Variants in NELL1 observed in about 807,000 individuals in gnomAD.
NELL1 encodes the protein protein kinase C-binding protein NELL1.
In NELL1, 76 loss-of-function variants were observed where a neutral mutation model predicts 107.4. The observed-to-expected ratio is 0.71, with a 90% confidence interval of 0.59 to 0.86. The LOEUF is 0.86. NELL1 is among the 40% of genes least tolerant of loss of function. The pLI is 0.00. For missense variants in NELL1, 1,024 were observed against 1,005.5 expected (o/e 1.02, Z -0.25); for synonymous variants, 353 against 341.2 (o/e 1.03, Z -0.38).
chr11:21,376,293 A>T (rs1379319493), intron 15 of NELL1, among the ~76,000 whole-genome samples: 1 of 152,078 alleles, frequency 6.6e-6, no homozygotes, highest in African/African-American at 2.4e-5. Flanking sequence ...AGCACCATTT[A>T]TTGAATAGGG....
intron 3 of NELL1, among the ~76,000 whole-genome samples, chr11:20,822,443 C>A (rs923437661): frequency 6.6e-6 from 1 of 152,088 alleles, no homozygotes; most frequent in African/African-American, 2.4e-5. Flanking sequence ...TGAATGAATG[C>A]GACAAACTTT....
At chr11:21,433,720 G>T (rs1185893927) in intron 15 of NELL1, among the ~76,000 whole-genome samples, 2 of 152,100 alleles carry the variant, frequency 1.3e-5, no homozygotes, top group East Asian at 3.9e-4. Context: ...TTGTTGCCCA[G>T]GCTGGAGTGC....
At chr11:21,025,523 A>G (rs537228434) in intron 12 of NELL1, among the ~76,000 whole-genome samples, 13 of 151,416 alleles carry the variant, frequency 8.6e-5, no homozygotes, top group African/African-American at 3.1e-4. Context: ...AATGTATAGG[A>G]AGTTTACATT....
At chr11:21,338,119 G>T (rs1850478747) in intron 14 of NELL1, among the ~76,000 whole-genome samples, 1 of 151,988 alleles carries the variant, frequency 6.6e-6, no homozygotes, top group Admixed American at 6.6e-5. Context: ...TTTCCGTCCT[G>T]TGAGAGAGAT....
rs72029062 is a variant in NELL1 at position 21,161,000 on chromosome 11, T to TACACACACAC, written c.1426+47320_1426+47329dup. Among the ~76,000 whole-genome samples, 85 of 143,242 alleles carry TACACACACAC rather than the reference T, an allele frequency of 5.9e-4. 2 individuals carry two copies. Among genetic ancestry groups the TACACACACAC allele is most frequent in the Admixed American group, 1.8e-3 (25 of 13,998 alleles). 94.0% of individuals were successfully genotyped at this position (143,242 alleles called of 152,430 possible). A position where few individuals can be genotyped will look rare whatever the true frequency, so the allele number is the denominator to read the frequency against. On this transcript the variant is annotated intron_variant, in intron 13 of 19. Transcript: ENST00000357134. Reference sequence around the variant, plus strand: ...GGTTTTAACCTCTTGCTAGCCTTTATACACACACACACACACACACACACA... The same window carrying TACACACACAC: ...GGTTTTAACCTCTTGCTAGCCTTTATACACACACACACACACACACACACACACACACACA...
intron 12 of NELL1, among the ~76,000 whole-genome samples, chr11:20,990,147 G>T (rs923615571): frequency 6.6e-6 from 1 of 152,126 alleles, no homozygotes; most frequent in Non-Finnish European, 1.5e-5. Context: ...TTTCAGTTTT[G>T]CCTTGCCTTG....
chr11:21,424,133 A>T (rs1280015371), intron 15 of NELL1, among the ~76,000 whole-genome samples: 1 of 151,726 alleles, frequency 6.6e-6, no homozygotes, highest in Non-Finnish European at 1.5e-5. Context: ...AGCAAAAATA[A>T]AATAAAGAAT....
intron 14 of NELL1, among the ~76,000 whole-genome samples, chr11:21,365,192 T>G (rs754386166): frequency 1.5e-4 from 23 of 152,216 alleles, no homozygotes; most frequent in African/African-American, 5.3e-4. Flanking sequence ...TGCCTTTCTC[T>G]CTGCTATTCC....
intron 4 of NELL1, among the ~76,000 whole-genome samples, chr11:20,861,182 T>C (rs746686271): frequency 2.6e-5 from 4 of 152,214 alleles, no homozygotes; most frequent in Admixed American, 6.5e-5. Context: ...CTTAATCGTA[T>C]TGCACAGAAG....
At chr11:20,928,611 T>C (rs931740229) in intron 9 of NELL1, 132 bp downstream of exon 9, 1 of 727,778 alleles carries the variant, frequency 1.4e-6, no homozygotes, top group African/African-American at 1.8e-5. Context: ...ACATTAAATA[T>C]ATGGTAAGAA....
intron 13 of NELL1, among the ~76,000 whole-genome samples, chr11:21,199,172 C>T (rs1474405909): frequency 2.0e-5 from 3 of 152,158 alleles, no homozygotes; most frequent in Admixed American, 2.0e-4. Context: ...CTTATTCTTT[C>T]TTTTATTCTT....
At chr11:21,427,073 G>A (rs77065326) in intron 15 of NELL1, among the ~76,000 whole-genome samples, 4,783 of 152,250 alleles carry the variant, frequency 0.031, 120 homozygotes, top group South Asian at 0.053. Flanking sequence ...TGGAGATGCT[G>A]CTGGGCAGTA....
At chr11:21,368,604 C>A (rs1351248942) in intron 14 of NELL1, among the ~76,000 whole-genome samples, 1 of 151,906 alleles carries the variant, frequency 6.6e-6, no homozygotes, top group African/African-American at 2.4e-5. Context: ...GTAATAAGAA[C>A]AATATACCTA....
At chr11:20,740,412 G>A (rs897822845) in intron 2 of NELL1, among the ~76,000 whole-genome samples, 3 of 152,254 alleles carry the variant, frequency 2.0e-5, no homozygotes, top group Middle Eastern at 3.4e-3. Flanking sequence ...GCATTTCCCC[G>A]GTCCCAGGCT....
intron 12 of NELL1, among the ~76,000 whole-genome samples, chr11:21,076,573 C>T (rs548908026): frequency 1.1e-4 from 17 of 152,282 alleles, no homozygotes; most frequent in African/African-American, 2.2e-4. Flanking sequence ...CTCTAGCCAG[C>T]GGAGCTGTAT....
intron 14 of NELL1, among the ~76,000 whole-genome samples, chr11:21,365,687 A>G (rs16907983): frequency 1.3e-3 from 193 of 152,272 alleles, no homozygotes; most frequent in African/African-American, 4.5e-3. Context: ...TCTGTGCTTT[A>G]GAAGAGAATG....
At chr11:21,066,136 C>T (rs1264416133) in intron 12 of NELL1, among the ~76,000 whole-genome samples, 5 of 152,150 alleles carry the variant, frequency 3.3e-5, no homozygotes, top group Non-Finnish European at 5.9e-5. Flanking sequence ...AAAGGCTTTT[C>T]AGATGGATAT....
chr11:21,105,872 T>TC (rs71454446), intron 12 of NELL1, among the ~76,000 whole-genome samples: 28,054 of 33,862 alleles, frequency 0.83, 12,145 homozygotes, highest in Middle Eastern at 0.9. Flanking sequence ...CCCCCTCCCC[T>TC]TCCTCTCTCC....
intron 13 of NELL1, among the ~76,000 whole-genome samples, chr11:21,212,811 A>T (rs1857528698): frequency 6.6e-6 from 1 of 152,204 alleles, no homozygotes; most frequent in African/African-American, 2.4e-5. Context: ...CAAAGCAGTG[A>T]TGTCTGCACT....
Sources: allele counts gnomAD v4.1 joint callset (sites outside exome capture counted in the v4.1 genomes callset), GRCh38; gene constraint gnomAD v4.1.1; transcripts MANE v1.5; gene names NCBI Gene and HGNC (gene_info 2026-07-23, HGNC 2026-07-21).